The following CLDN16 variants were observed in gnomAD, a reference collection of about 807,000 sequenced individuals.
CLDN16 encodes the protein claudin 16.
A neutral mutation model predicts 24.6 loss-of-function variants in CLDN16; 13 were observed. The ratio of observed to expected loss-of-function variants is 0.53; its 90% confidence interval spans 0.34 to 0.84. The LOEUF (loss-of-function observed/expected upper bound fraction) is 0.84. Ranked by LOEUF, CLDN16 falls within the 40% of genes least tolerant of loss-of-function variation. The pLI is 0.01. For missense variants in CLDN16, 298 were observed against 292.7 expected (o/e 1.02, Z -0.13); for synonymous variants, 116 against 106.7 (o/e 1.09, Z -0.54).
At chr3:190,308,643 A>G in the CLDN16 span, among the ~76,000 whole-genome samples, 1 of 152,182 alleles carries the variant, frequency 6.6e-6, no homozygotes, top group Non-Finnish European at 1.5e-5. Context: ...GCAATAGTAG[A>G]TCAGGAAATA....
the CLDN16 span, among the ~76,000 whole-genome samples, chr3:190,294,595 A>C: frequency 6.6e-6 from 1 of 152,116 alleles, no homozygotes; most frequent in Non-Finnish European, 1.5e-5. Flanking sequence ...AACAAAATAA[A>C]CTTTCTTTAA....
intron 1 of CLDN16, among the ~76,000 whole-genome samples, chr3:190,396,415 C>G (rs893675017): frequency 1.3e-5 from 2 of 152,160 alleles, no homozygotes; most frequent in Non-Finnish European, 2.9e-5. Flanking sequence ...TAAGTAGCAA[C>G]TGTGCATATA....
At chr3:190,329,017 A>T (rs1022586573) in intron 1 of CLDN16, among the ~76,000 whole-genome samples, 7 of 152,210 alleles carry the variant, frequency 4.6e-5, no homozygotes, top group Non-Finnish European at 1.0e-4. Flanking sequence ...TAAATAGTTT[A>T]ACTTACAGGA....
chr3:190,383,603 C>T (rs1718417452), upstream of CLDN16, among the ~76,000 whole-genome samples: 2 of 152,202 alleles, frequency 1.3e-5, no homozygotes, highest in South Asian at 4.1e-4. Flanking sequence ...GAAACATTAC[C>T]TGAAAATGAC....
chr3:190,408,833 CT>C (rs1719178015), intron 4 of CLDN16, among the ~76,000 whole-genome samples: 1 of 120,832 alleles, frequency 8.3e-6, no homozygotes, highest in Non-Finnish European at 2.0e-5. Flanking sequence ...TGTATATATA[CT>C]ATATACATAT....
At chr3:190,373,730 A>G (rs912769580) in intron 2 of CLDN16, among the ~76,000 whole-genome samples, 2 of 151,942 alleles carry the variant, frequency 1.3e-5, no homozygotes, top group African/African-American at 4.8e-5. Flanking sequence ...TAGCTAGTCC[A>G]GCGCTCAGGA....
the CLDN16 span, among the ~76,000 whole-genome samples, chr3:190,315,246 G>T: frequency 6.6e-6 from 1 of 152,190 alleles, no homozygotes; most frequent in Non-Finnish European, 1.5e-5. Flanking sequence ...GATGATCCAT[G>T]TCTGGAGGAT....
the CLDN16 span, among the ~76,000 whole-genome samples, chr3:190,297,799 T>G: frequency 1.3e-5 from 2 of 149,944 alleles, no homozygotes; most frequent in Non-Finnish European, 3.0e-5. Flanking sequence ...AACCTTTACA[T>G]TTATCCAGTA....
chr3:190,308,442 A>T, the CLDN16 span: 2 of 1,613,494 alleles, frequency 1.2e-6, no homozygotes, highest in South Asian at 1.1e-5. Flanking sequence ...ATTCGTACCT[A>T]AAAGGAAAAA....
intron 1 of CLDN16, among the ~76,000 whole-genome samples, chr3:190,326,374 G>T (rs1717060283): frequency 6.6e-6 from 1 of 152,220 alleles, no homozygotes; most frequent in Non-Finnish European, 1.5e-5. Context: ...GTAGTGAAAA[G>T]ATACGCAGTT....
chr3:190,378,010 A>G (rs1946324), intron 3 of CLDN16, among the ~76,000 whole-genome samples: 113,334 of 151,864 alleles, frequency 0.75, 42,354 homozygotes, highest in East Asian at 0.83. Flanking sequence ...AGTGTTATTT[A>G]GGACCATGTT....
intron 1 of CLDN16, among the ~76,000 whole-genome samples, chr3:190,329,875 T>A (rs555279758): frequency 6.6e-6 from 1 of 152,176 alleles, no homozygotes; most frequent in African/African-American, 2.4e-5. Context: ...TAGTATTATC[T>A]AGGTGAGGAA....
Position 190,409,976 on chromosome 3 carries a change from G to T in CLDN16, c.648G>T (p.Lys216Asn). 6.2e-7 allele frequency: 1 copy of T among 1,614,082 alleles called. No homozygotes were observed. Among genetic ancestry groups the T allele is most frequent in the South Asian group, 1.1e-5 (1 of 91,080 alleles). ...AYSAAGVSMA[K>N]SYSAPRTETA... ...CAGCCGCGGGTGTTTCCATGGCCAA[G>T]TCATACTCAGCCCCTCGCACAGAGA... The change falls in exon 5 of 5, where the codon AAG (lysine) becomes AAT (asparagine). Residue 216 changes from lysine (K) to asparagine (N), a missense_variant. Physicochemically the swap from Lys to Asn is moderately conservative, Grantham distance 94. Coordinates refer to ENST00000264734, the MANE Select transcript of CLDN16 (RefSeq NM_006580.4).
the CLDN16 span, among the ~76,000 whole-genome samples, chr3:190,315,830 AAG>A: frequency 6.6e-6 from 1 of 152,150 alleles, no homozygotes; most frequent in African/African-American, 2.4e-5. Flanking sequence ...AGTAGTCTTC[AAG>A]AGAAGTCTAA....
chr3:190,362,487 G>A lies in CLDN16; in HGVS notation n.122-8406G>A, dbSNP rs748224082. ...CTGCCAAATTATCTTTAAAAACTCC[G>A]ATCCTCAAATGCTCAGGGAGACTGA... On this transcript the variant is annotated intron_variant and non_coding_transcript_variant, in intron 1 of 4. Coordinates refer to the CLDN16 transcript ENST00000468220. Among the ~76,000 whole-genome samples, 15 of 151,936 alleles carry A rather than the reference G, an allele frequency of 9.9e-5. No homozygotes were observed. In the South Asian group the frequency reaches 1.9e-3, roughly 19 times the overall value.
Position 190,411,946 on chromosome 3 carries a change from A to T in CLDN16, c.*1910A>T, listed in dbSNP as rs1416183286. Reference sequence around the variant, plus strand: ...TACTATTGTCTGTCATGCTTTATGTATTCCAATAAGTGTCTTGAAATCCTT... The same window carrying T: ...TACTATTGTCTGTCATGCTTTATGTTTTCCAATAAGTGTCTTGAAATCCTT... On this transcript the variant is annotated 3_prime_UTR_variant, in exon 5 of 5. Coordinates refer to ENST00000264734, the MANE Select transcript of CLDN16 (RefSeq NM_006580.4). 1.3e-5 allele frequency: 2 copies of T among 152,120 alleles called. No homozygotes were observed. Among genetic ancestry groups the T allele is most frequent in the Non-Finnish European group, 2.9e-5 (2 of 67,974 alleles). 9.4% of individuals were successfully genotyped at this position (152,120 alleles called of 1,614,324 possible).
At position 190,388,289 on chromosome 3, in the gene CLDN16, G is replaced by T. The variant is rs149955797; in HGVS notation, c.-41G>T. On this transcript the variant is annotated 5_prime_UTR_variant, in exon 1 of 5. Transcript: ENST00000264734. Reference sequence around the variant, plus strand: ...CGCCACTTAAGTGGGGCCAGGGCTGGTGTCTGCCCATGTTGCCATCCTGAT... The same window carrying T: ...CGCCACTTAAGTGGGGCCAGGGCTGTTGTCTGCCCATGTTGCCATCCTGAT... 120 of 1,605,984 alleles carry T rather than the reference G, an allele frequency of 7.5e-5. No homozygotes were observed. The highest frequency in any genetic ancestry group is 1.7e-4 in the Middle Eastern group (1 of 6,012).
the CLDN16 span, among the ~76,000 whole-genome samples, chr3:190,310,666 T>G: frequency 0.012 from 1,833 of 152,328 alleles, 14 homozygotes; most frequent in Non-Finnish European, 0.02. Context: ...ATGTTCTTGA[T>G]CAAACTCAAA....
chr3:190,300,924 A>C, the CLDN16 span, among the ~76,000 whole-genome samples: 2 of 152,362 alleles, frequency 1.3e-5, no homozygotes, highest in Non-Finnish European at 2.9e-5. Context: ...AGTGAAAAAA[A>C]GAATGAAAAA....
Sources: gnomAD v4.1 joint callset for allele counts (sites outside exome capture counted in the v4.1 genomes callset) on GRCh38, gnomAD v4.1.1 for gene constraint, MANE v1.5 for transcripts, NCBI Gene and HGNC (gene_info 2026-07-23, HGNC 2026-07-21) for gene names.